The following THADA variants were observed in gnomAD, a reference collection of about 807,000 sequenced individuals.
THADA encodes the protein THADA armadillo repeat containing.
THADA carries 213 observed loss-of-function variants against 219.8 expected under a neutral mutation model. The observed-to-expected ratio is 0.97, with a 90% CI of 0.87 to 1.09. THADA has a LOEUF of 1.09. Among genes scored for constraint, THADA ranks in the 50% least tolerant of loss-of-function variants. THADA has a pLI of 0.00. For synonymous variants in THADA, 1,018 were observed against 828.9 expected, an observed-to-expected ratio of 1.23 and a Z score of -3.92; for missense variants, 2,956 against 2,311.3, an observed-to-expected ratio of 1.28 and a Z score of -5.72.
At chr2:43,395,990 C>G (rs1239843499) in intron 29 of THADA, among the ~76,000 whole-genome samples, 1 of 152,222 alleles carries the variant, frequency 6.6e-6, no homozygotes, top group African/African-American at 2.4e-5. Flanking sequence ...CTCCTGGCCT[C>G]AAGTGATCTG....
At chr2:43,253,416 T>TAA (rs1670007150) in intron 36 of THADA, among the ~76,000 whole-genome samples, 1 of 152,154 alleles carries the variant, frequency 6.6e-6, no homozygotes, top group African/African-American at 2.4e-5. Context: ...CTAAACTCCT[T>TAA]AAAGGTGGCT....
intron 27 of THADA, 139 bp from the exon 28 acceptor site, chr2:43,428,370 G>C: frequency 1.3e-6 from 1 of 759,760 alleles, no homozygotes; most frequent in East Asian, 3.6e-5. Flanking sequence ...CACTTTGGGA[G>C]GCCGAGGCGG....
chr2:43,458,841 A>G (rs1683310295), intron 26 of THADA, among the ~76,000 whole-genome samples: 1 of 152,158 alleles, frequency 6.6e-6, no homozygotes, highest in Non-Finnish European at 1.5e-5. Flanking sequence ...TGTATGTGAA[A>G]ATGTCCTTTA....
intron 4 of THADA, among the ~76,000 whole-genome samples, chr2:43,587,289 T>C (rs781386153): frequency 1.3e-5 from 2 of 152,180 alleles, no homozygotes; most frequent in Non-Finnish European, 2.9e-5. Flanking sequence ...CCTCCAACAA[T>C]ATCCTTCTCG....
intron 21 of THADA, among the ~76,000 whole-genome samples, chr2:43,535,942 C>T (rs1481263063): frequency 6.6e-6 from 1 of 151,834 alleles, no homozygotes; most frequent in Non-Finnish European, 1.5e-5. Context: ...GTGGCTGGGA[C>T]TACAGGTGCA....
chr2:43,250,273 A>G (rs911789401), intron 36 of THADA, among the ~76,000 whole-genome samples: 1 of 152,252 alleles, frequency 6.6e-6, no homozygotes, highest in African/African-American at 2.4e-5. Context: ...TGAACCTTGT[A>G]AACATTATGT....
intron 29 of THADA, among the ~76,000 whole-genome samples, chr2:43,376,310 T>C (rs1246894434): frequency 8.5e-5 from 13 of 152,214 alleles, no homozygotes; most frequent in Non-Finnish European, 4.4e-5. Context: ...GAGCCAACAT[T>C]TTTAAAACAG....
chr2:43,239,631 T>C (rs1040809474), intron 36 of THADA, among the ~76,000 whole-genome samples: 1 of 152,254 alleles, frequency 6.6e-6, no homozygotes, highest in Non-Finnish European at 1.5e-5. Flanking sequence ...TAAAGTATTA[T>C]GGGGGAGATG....
At chr2:43,568,690 AC>A (rs1418603851) in intron 14 of THADA, among the ~76,000 whole-genome samples, 4 of 152,200 alleles carry the variant, frequency 2.6e-5, no homozygotes, top group African/African-American at 9.6e-5. Context: ...TGTTAAATCT[AC>A]CAATGATCTA....
chr2:43,534,305 T>C (rs534609602), intron 21 of THADA, among the ~76,000 whole-genome samples: 1 of 152,200 alleles, frequency 6.6e-6, no homozygotes, highest in East Asian at 2.0e-4. Flanking sequence ...TTTCAAACAC[T>C]TATCATTTCT....
At chr2:43,337,725 C>T (rs1252375319) in intron 30 of THADA, among the ~76,000 whole-genome samples, 2 of 151,912 alleles carry the variant, frequency 1.3e-5, no homozygotes, top group Non-Finnish European at 2.9e-5. Flanking sequence ...ACACACCACA[C>T]TCATGTACAA....
chr2:43,583,816 G>A (rs900153053), intron 7 of THADA, among the ~76,000 whole-genome samples: 6 of 152,076 alleles, frequency 3.9e-5, no homozygotes, highest in Non-Finnish European at 1.5e-5. Context: ...ACTGGGGCAG[G>A]GGGACTGCTT....
chr2:43,548,156 A>G (rs1279901698), intron 20 of THADA, among the ~76,000 whole-genome samples: 1 of 152,200 alleles, frequency 6.6e-6, no homozygotes, highest in African/African-American at 2.4e-5. Context: ...CCTGGGTACC[A>G]GCAGCGGTGG....
At chr2:43,346,930 G>A (rs762951425) in intron 29 of THADA, among the ~76,000 whole-genome samples, 11 of 152,156 alleles carry the variant, frequency 7.2e-5, no homozygotes, top group Non-Finnish European at 1.0e-4. Flanking sequence ...AAATAAAAAC[G>A]ATGTTGGTGT....
At chr2:43,393,181 G>A (rs12477823) in intron 29 of THADA, among the ~76,000 whole-genome samples, 34,298 of 151,970 alleles carry the variant, frequency 0.23, 3,987 homozygotes, top group South Asian at 0.31. Context: ...TACCTTTCAC[G>A]GGTCGCAGCT....
intron 26 of THADA, among the ~76,000 whole-genome samples, chr2:43,456,334 C>T (rs752788758): frequency 1.6e-4 from 25 of 152,162 alleles, no homozygotes; most frequent in Admixed American, 1.2e-3. Context: ...TAATAATATG[C>T]ACAGCATTTC....
chr2:43,523,704 T>C (rs939084386), intron 22 of THADA, among the ~76,000 whole-genome samples: 2 of 152,218 alleles, frequency 1.3e-5, no homozygotes, highest in African/African-American at 4.8e-5. Context: ...CAAAAACTAC[T>C]AAATGTCACA....
chr2:43,556,445 C>G lies in THADA; in HGVS notation c.2574G>C (p.Gln858His). ...CAGACAAGGATGACGGTAGAGCATC[C>G]TGCCAGATTAAGAAGTTCAGCAGGT... The part of the protein sequence containing the change: ...ASYLLNFLIW[Q>H]DALPSSLSAY... The change falls in exon 17 of 38, where the codon CAG becomes CAC. Residue 858 changes from glutamine to histidine, a missense_variant. Coordinates refer to ENST00000405975, the MANE Select transcript of THADA (RefSeq NM_022065.5). The G allele has an allele frequency of 6.2e-7, 1 of 1,613,866 alleles. No individual in the cohort carries two copies. Among genetic ancestry groups the G allele is most frequent in the African/African-American group, 1.3e-5 (1 of 74,998 alleles).
chr2:43,275,655 C>T (rs995174815), intron 36 of THADA, among the ~76,000 whole-genome samples: 6 of 152,186 alleles, frequency 3.9e-5, no homozygotes, highest in African/African-American at 1.4e-4. Context: ...TGAAAGAGCT[C>T]TGCAAAAAGA....
Sources: allele counts gnomAD v4.1 joint callset (sites outside exome capture counted in the v4.1 genomes callset), GRCh38; gene constraint gnomAD v4.1.1; transcripts MANE v1.5; gene names NCBI Gene and HGNC (gene_info 2026-07-23, HGNC 2026-07-21).